The following SLC4A4 variants were observed in gnomAD, a reference collection of about 807,000 sequenced individuals.
SLC4A4 encodes the protein electrogenic sodium bicarbonate cotransporter 1.
Under a neutral mutation model 111.5 loss-of-function variants are expected in SLC4A4, and 27 were observed. The ratio of observed to expected loss-of-function variants is 0.24; its 90% confidence interval spans 0.18 to 0.33. SLC4A4 has a LOEUF of 0.33. Among genes scored for constraint, SLC4A4 ranks in the 10% least tolerant of loss-of-function variants. The probability of loss-of-function intolerance (pLI) is 1.00; values close to 1 mark genes in which losing one functional copy is unlikely to be tolerated. For synonymous variants in SLC4A4, 443 were observed against 463.4 expected (o/e 0.96, Z 0.57); for missense variants, 909 against 1,315.5 (o/e 0.69, Z 4.78).
At chr4:71,321,181 G>T (rs561951629) in intron 3 of SLC4A4, among the ~76,000 whole-genome samples, 2 of 152,090 alleles carry the variant, frequency 1.3e-5, no homozygotes, top group African/African-American at 4.8e-5. Flanking sequence ...TATCAGCTTT[G>T]TGTAGTTAAG....
At chr4:71,534,187 C>T in intron 17 of SLC4A4, 40 bp from the exon 18 acceptor site, 2 of 1,600,706 alleles carry the variant, frequency 1.2e-6, no homozygotes, top group Non-Finnish European at 1.7e-6. Context: ...TATATATTAA[C>T]CTGATAATTT....
At chr4:71,103,357 A>G (rs2148947494) in intron 2 of SLC4A4, among the ~76,000 whole-genome samples, 1 of 152,302 alleles carries the variant, frequency 6.6e-6, no homozygotes, top group Non-Finnish European at 1.5e-5. Context: ...CATTAGACAG[A>G]TCAACGAGAC....
intron 1 of SLC4A4, among the ~76,000 whole-genome samples, chr4:71,224,828 A>G (rs1326623429): frequency 6.6e-6 from 1 of 152,170 alleles, no homozygotes; most frequent in Non-Finnish European, 1.5e-5. Flanking sequence ...AGTATAGTAG[A>G]GTGGTTAAAA....
chr4:71,536,440 GCATATATACATATATA>G (rs200050038), intron 18 of SLC4A4, among the ~76,000 whole-genome samples: 2 of 72,720 alleles, frequency 2.8e-5, no homozygotes, highest in African/African-American at 4.6e-5. Flanking sequence ...TATCATTTAA[GCATATATACATATATA>G]CATATATACA....
intron 3 of SLC4A4, among the ~76,000 whole-genome samples, chr4:71,269,733 T>C (rs1474181503): frequency 6.6e-6 from 1 of 152,206 alleles, no homozygotes; most frequent in African/African-American, 2.4e-5. Context: ...AATGCCAGTG[T>C]TATTTTTCCC....
intron 6 of SLC4A4, 97 bp from the exon 7 acceptor site, chr4:71,397,480 T>C (rs1349855339): frequency 9.3e-7 from 1 of 1,076,680 alleles, no homozygotes; most frequent in African/African-American, 1.6e-5. Context: ...TCATCACCAT[T>C]TCCATCATCA....
intron 16 of SLC4A4, among the ~76,000 whole-genome samples, chr4:71,525,603 C>T: frequency 6.6e-6 from 1 of 152,070 alleles, no homozygotes; most frequent in East Asian, 1.9e-4. Flanking sequence ...AGAGACTTAA[C>T]ATTTGATTTG....
chr4:71,258,556 G>T (rs1161331751), intron 3 of SLC4A4, among the ~76,000 whole-genome samples: 1 of 152,198 alleles, frequency 6.6e-6, no homozygotes, highest in East Asian at 1.9e-4. Context: ...GGCACATAGT[G>T]TGTTTTTCAT....
chr4:71,473,085 T>G (rs756354018), intron 14 of SLC4A4, 115 bp downstream of exon 14: 23 of 1,213,544 alleles, frequency 1.9e-5, no homozygotes, highest in Non-Finnish European at 2.8e-5. Context: ...GTCTTGTTTT[T>G]TTCTCTGAAA....
At chr4:71,305,990 G>T (rs1725650033) in intron 3 of SLC4A4, among the ~76,000 whole-genome samples, 1 of 152,214 alleles carries the variant, frequency 6.6e-6, no homozygotes, top group Admixed American at 6.5e-5. Flanking sequence ...AGCATTGAGT[G>T]CAGTGTCCAA....
chr4:71,372,084 A>G (rs1231786858), intron 6 of SLC4A4, among the ~76,000 whole-genome samples: 1 of 152,250 alleles, frequency 6.6e-6, no homozygotes, highest in East Asian at 1.9e-4. Flanking sequence ...CTAAAAACAA[A>G]TTTGTAACAA....
chr4:71,255,527 A>G, intron 3 of SLC4A4, 128 bp downstream of exon 3: 1 of 1,011,208 alleles, frequency 9.9e-7, no homozygotes, highest in Non-Finnish European at 1.6e-6. Flanking sequence ...AATCTGTTCT[A>G]AAGGATAATG....
chr4:71,447,166 A>G (rs559848476), intron 8 of SLC4A4, among the ~76,000 whole-genome samples: 1 of 152,318 alleles, frequency 6.6e-6, no homozygotes, highest in South Asian at 2.1e-4. Context: ...ATTCCCAGTC[A>G]CTTCTGAGTA....
At chr4:71,100,885 C>A (rs1193981784) in intron 2 of SLC4A4, among the ~76,000 whole-genome samples, 2 of 152,122 alleles carry the variant, frequency 1.3e-5, no homozygotes, top group African/African-American at 4.8e-5. Flanking sequence ...TATAACTAAC[C>A]AGGGAGGTGA....
chr4:71,066,116 A>G (rs1215946909), intron 1 of SLC4A4, among the ~76,000 whole-genome samples: 4 of 152,238 alleles, frequency 2.6e-5, no homozygotes, highest in African/African-American at 9.6e-5. Context: ...GTCTTGTTAA[A>G]TGACTGGGCT....
chr4:71,340,706 A>G (rs1213594378), intron 4 of SLC4A4, among the ~76,000 whole-genome samples: 1 of 152,168 alleles, frequency 6.6e-6, no homozygotes, highest in Non-Finnish European at 1.5e-5. Context: ...CTTAGTGACA[A>G]GACACTCGAT....
In SLC4A4 at chr4:71,255,276, C is replaced by T. The variant is rs867931760; in HGVS notation, c.130C>T (p.Arg44Cys). The change falls in exon 3 of 26, where the codon CGT (arginine) becomes TGT (cysteine). Residue 44 changes from arginine to cysteine, a missense_variant. Coordinates refer to ENST00000264485, the MANE Select transcript of SLC4A4 (RefSeq NM_001098484.3). The part of the protein sequence containing the change: ...HVPKSYRRRR[R>C]HKRKTGHKEK... ...GCCGAAGAGTTACAGGAGAAGGAGA[C>T]GTCACAAGAGAAAGACAGGGCACAA... 4 of 1,613,202 alleles carry T rather than the reference C, an allele frequency of 2.5e-6. No individual in the cohort carries two copies. The highest frequency in any genetic ancestry group is 2.7e-5 in the African/African-American group (2 of 74,810).
intron 2 of SLC4A4, among the ~76,000 whole-genome samples, chr4:71,250,219 T>C (rs1250834340): frequency 6.6e-6 from 1 of 152,200 alleles, no homozygotes; most frequent in Non-Finnish European, 1.5e-5. Flanking sequence ...TTGGGCATCT[T>C]GGCAGAAGAC....
At chr4:71,318,501 T>A (rs984222524) in intron 3 of SLC4A4, among the ~76,000 whole-genome samples, 7 of 152,094 alleles carry the variant, frequency 4.6e-5, no homozygotes, top group African/African-American at 1.7e-4. Flanking sequence ...GTTAGCTGAT[T>A]TAATAGCTAA....
Sources: allele counts gnomAD v4.1 joint callset (sites outside exome capture counted in the v4.1 genomes callset), GRCh38; gene constraint gnomAD v4.1.1; transcripts MANE v1.5; gene names NCBI Gene and HGNC (gene_info 2026-07-23, HGNC 2026-07-21).